The following GLG1 variants were observed in gnomAD, a reference collection of about 807,000 sequenced individuals.
The protein encoded by GLG1 is Golgi apparatus protein 1.
A neutral mutation model predicts 160.5 loss-of-function variants in GLG1; 38 were observed. The observed-to-expected ratio is 0.24, with a 90% confidence interval of 0.18 to 0.31. The LOEUF is 0.31. Ranked by LOEUF, GLG1 falls within the 10% of genes least tolerant of loss-of-function variation. GLG1 has a pLI of 1.00. For missense variants in GLG1, 1,373 were observed against 1,505.2 expected (o/e 0.91, Z 1.45); for synonymous variants, 644 against 543.4 (o/e 1.19, Z -2.57).
At chr16:74,588,856 T>C (rs184858835) in intron 1 of GLG1, among the ~76,000 whole-genome samples, 4 of 152,116 alleles carry the variant, frequency 2.6e-5, no homozygotes, top group Admixed American at 2.6e-4. Flanking sequence ...AAGGGTTCCA[T>C]AAACTGAAAG....
chr16:74,594,915 G>A (rs946487981), intron 1 of GLG1, among the ~76,000 whole-genome samples: 4 of 152,182 alleles, frequency 2.6e-5, no homozygotes, highest in Non-Finnish European at 5.9e-5. Flanking sequence ...TAAGGCCGGC[G>A]CGGTGGCTCA....
chr16:74,462,240 A>G, intron 21 of GLG1, 45 bp from the exon 22 acceptor site: 1 of 1,010,724 alleles, frequency 9.9e-7, no homozygotes, highest in Non-Finnish European at 1.5e-6. Flanking sequence ...CAGAAAACGA[A>G]GCTTTTCTAC....
At chr16:74,473,042 G>A (rs149848709) in intron 13 of GLG1, 2 of 155,248 alleles carry the variant, frequency 1.3e-5, no homozygotes, top group African/African-American at 2.4e-5. Context: ...GTTGAGAAAC[G>A]TAATTTTACA....
intron 1 of GLG1, among the ~76,000 whole-genome samples, chr16:74,586,158 A>AAAAAAC (rs1359913007): frequency 6.6e-6 from 1 of 152,144 alleles, no homozygotes; most frequent in Non-Finnish European, 1.5e-5. Flanking sequence ...CTGATAAGGA[A>AAAAAAC]AAAAACAAAA....
At chr16:74,589,250 C>T (rs1239295055) in intron 1 of GLG1, among the ~76,000 whole-genome samples, 1 of 95,948 alleles carries the variant, frequency 1.0e-5, no homozygotes, top group Admixed American at 1.2e-4. Flanking sequence ...GTGAAACTCT[C>T]TGTCTCAAAA....
Position 74,467,858 on chromosome 16 carries a change from G to C in GLG1, c.2437-10C>G. 1 of 1,590,104 alleles carries C rather than the reference G, an allele frequency of 6.3e-7. No homozygotes were observed. Among genetic ancestry groups the C allele is most frequent in the Non-Finnish European group, 8.6e-7 (1 of 1,160,320 alleles). Reference sequence around the variant, plus strand: ...AGCGGATGTCCTCCGTCTGCATGAGGGAGCCAGCATGGAAAGGTGAGCTTG... The same window carrying C: ...AGCGGATGTCCTCCGTCTGCATGAGCGAGCCAGCATGGAAAGGTGAGCTTG... On this transcript the variant is annotated splice_polypyrimidine_tract_variant and intron_variant, in intron 17 of 25. Transcript: ENST00000422840.
At position 74,463,349 on chromosome 16, in the gene GLG1, A is replaced by T; in HGVS notation, c.2791+7T>A. On this transcript the variant is annotated splice_region_variant and intron_variant, in intron 20 of 25. Transcript: ENST00000422840. The stretch of plus-strand genomic sequence containing the variant: ...ACGGGGCCAGGAGAGCCAAGCCAAG[A>T]TCTTACCTGTGTTCTGGGTGATCTG... 6.2e-7 allele frequency: 1 copy of T among 1,613,966 alleles called. No individual in the cohort carries two copies. Among genetic ancestry groups the T allele is most frequent in the Admixed American group, 1.7e-5 (1 of 60,014 alleles).
intron 1 of GLG1, among the ~76,000 whole-genome samples, chr16:74,537,367 C>CA (rs2017714438): frequency 6.6e-6 from 1 of 151,950 alleles, no homozygotes; most frequent in African/African-American, 2.4e-5. Flanking sequence ...AAAAACAAAA[C>CA]AAAAAACCTC....
Position 74,494,814 on chromosome 16 carries a change from G to A in GLG1, c.996C>T (p.Gly332=). The A allele has an allele frequency of 6.7e-7, 1 of 1,488,290 alleles. No homozygotes were observed. Among genetic ancestry groups the A allele is most frequent in the Non-Finnish European group, 9.4e-7 (1 of 1,065,806 alleles). The allele number at this position is 1,488,290 out of a possible 1,614,324, so 92.2% of individuals were successfully genotyped here. A position where few individuals can be genotyped will look rare whatever the true frequency, so the allele number is the denominator to read the frequency against. The change falls in exon 6 of 26, where the codon GGC becomes GGT. Residue 332 remains glycine, a synonymous_variant. Coordinates refer to ENST00000422840, the MANE Select transcript of GLG1 (RefSeq NM_001145667.2). Reference sequence around the variant, plus strand: ...GGTTAAAGAGGCACTTATACACTCTGCCCTCACCAGCTTGTGTCTATAAGA... The same window carrying A: ...GGTTAAAGAGGCACTTATACACTCTACCCTCACCAGCTTGTGTCTATAAGA... ...RFCENTQAGE[G]RVYKCLFNHK...
intron 1 of GLG1, among the ~76,000 whole-genome samples, chr16:74,534,204 CT>C (rs2017622734): frequency 6.6e-6 from 1 of 151,848 alleles, no homozygotes; most frequent in Non-Finnish European, 1.5e-5. Flanking sequence ...TTTAAGGTGC[CT>C]TTCTCAGTCT....
chr16:74,513,735 C>T (rs1456097483), intron 2 of GLG1, among the ~76,000 whole-genome samples: 1 of 152,094 alleles, frequency 6.6e-6, no homozygotes, highest in South Asian at 2.1e-4. Context: ...TGCCTCTTCT[C>T]CAAAGGAACA....
intron 22 of GLG1, 115 bp downstream of exon 22, chr16:74,461,979 G>C: frequency 1.6e-6 from 1 of 628,404 alleles, no homozygotes. Flanking sequence ...CTAGAAGATG[G>C]CCTTCAATTC....
intron 1 of GLG1, among the ~76,000 whole-genome samples, chr16:74,542,744 A>AGGAAGGAAGGAAG (rs2017920141): frequency 7.8e-5 from 1 of 12,858 alleles, no homozygotes; most frequent in Admixed American, 4.4e-4. Context: ...GGAGGAAGGA[A>AGGAAGGAAGGAAG]GGAAGGAAGG....
At chr16:74,510,457 T>C (rs1459193858) in intron 2 of GLG1, among the ~76,000 whole-genome samples, 2 of 152,234 alleles carry the variant, frequency 1.3e-5, no homozygotes, top group Non-Finnish European at 2.9e-5. Flanking sequence ...TTTTGATAAG[T>C]GATCCAATTT....
At chr16:74,463,232 C>A in intron 20 of GLG1, 124 bp downstream of exon 20, 3 of 915,988 alleles carry the variant, frequency 3.3e-6, no homozygotes, top group Non-Finnish European at 5.0e-6. Context: ...CCTGCTTACA[C>A]TCAGACTCCT....
chr16:74,447,510 A>G lies in GLG1; in HGVS notation c.*5657T>C, dbSNP rs1051117219. On this transcript the variant is annotated 3_prime_UTR_variant, in exon 26 of 26. Transcript: ENST00000422840. ...AAAAAATGCACATTATGTTCAGAAC[A>G]TATCTCAGTAACATCTCAAAATTAC... is the stretch of plus-strand genomic sequence containing the variant. The G allele has an allele frequency of 3.3e-5, 5 of 152,228 alleles. No homozygotes were observed. Among genetic ancestry groups the G allele is most frequent in the African/African-American group, 7.2e-5 (3 of 41,464 alleles). 9.4% of individuals were successfully genotyped at this position (152,228 alleles called of 1,614,324 possible).
intron 13 of GLG1, 132 bp from the exon 14 acceptor site, chr16:74,472,543 G>C (rs1349818602): frequency 6.9e-7 from 1 of 1,455,232 alleles, no homozygotes; most frequent in South Asian, 1.2e-5. Flanking sequence ...AACGATTCTA[G>C]TATTTGAAGT....
At chr16:74,589,073 C>A (rs1958116749) in intron 1 of GLG1, among the ~76,000 whole-genome samples, 1 of 151,658 alleles carries the variant, frequency 6.6e-6, no homozygotes, top group Non-Finnish European at 1.5e-5. Flanking sequence ...GAAACCCCGT[C>A]TCTACAAAAA....
chr16:74,588,430 T>A (rs558657895), intron 1 of GLG1, among the ~76,000 whole-genome samples: 2 of 152,176 alleles, frequency 1.3e-5, no homozygotes, highest in Admixed American at 1.3e-4. Flanking sequence ...AAGCTCTGTT[T>A]CTTTCTTTCT....
Sources: gnomAD v4.1 joint callset for allele counts (sites outside exome capture counted in the v4.1 genomes callset) on GRCh38, gnomAD v4.1.1 for gene constraint, MANE v1.5 for transcripts, NCBI Gene and HGNC (gene_info 2026-07-23, HGNC 2026-07-21) for gene names.